MARCHF10: variants seen among roughly 807,000 people sequenced by gnomAD.
The protein encoded by MARCHF10 is membrane associated ring-CH-type finger 10.
A neutral mutation model predicts 76.2 loss-of-function variants in MARCHF10; 64 were observed. The ratio of observed to expected loss-of-function variants is 0.84; its 90% CI spans 0.69 to 1.03. The LOEUF is 1.03. Ranked by LOEUF, MARCHF10 falls within the 50% of genes least tolerant of loss-of-function variation. The pLI, the probability that MARCHF10 is intolerant of heterozygous loss-of-function variation, is 0.00. For synonymous variants in MARCHF10, 340 were observed against 357.5 expected (o/e 0.95, Z 0.55); for missense variants, 875 against 958.0 (o/e 0.91, Z 1.14).
intron 4 of MARCHF10, 74 bp from the exon 5 acceptor site, chr17:62,744,602 G>A: frequency 6.5e-7 from 1 of 1,545,880 alleles, no homozygotes; most frequent in Non-Finnish European, 8.8e-7. Flanking sequence ...AACGTTCAAA[G>A]GGCCCAGCAA....
At chr17:62,742,317 GC>G (rs1247306021) in intron 5 of MARCHF10, among the ~76,000 whole-genome samples, 2 of 152,170 alleles carry the variant, frequency 1.3e-5, no homozygotes, top group African/African-American at 4.8e-5. Context: ...ACCATGCCCA[GC>G]CTCCTTCCTT....
chr17:62,746,913 T>C (rs989281172), intron 4 of MARCHF10: 6 of 1,536,168 alleles, frequency 3.9e-6, no homozygotes, highest in Non-Finnish European at 5.2e-6. Context: ...TTCCCCAGAC[T>C]GCACCAGCCA....
intron 3 of MARCHF10, among the ~76,000 whole-genome samples, chr17:62,771,204 A>T (rs568397514): frequency 5.7e-4 from 87 of 152,012 alleles, no homozygotes; most frequent in African/African-American, 2.0e-3. Flanking sequence ...GACTTTTTTT[A>T]AAAAAAGGAA....
At chr17:62,730,193 A>C (rs1407218544) in intron 6 of MARCHF10, among the ~76,000 whole-genome samples, 2 of 152,214 alleles carry the variant, frequency 1.3e-5, no homozygotes, top group African/African-American at 4.8e-5. Context: ...CTCAAAAAGA[A>C]AATGAAAAAA....
intron 10 of MARCHF10, among the ~76,000 whole-genome samples, chr17:62,702,576 G>T (rs1286415589): frequency 6.6e-6 from 1 of 152,168 alleles, no homozygotes; most frequent in African/African-American, 2.4e-5. Flanking sequence ...TGAGGCAGGA[G>T]AATCGCTTGA....
rs180905197 is a variant in MARCHF10, at chr17:62,714,964, C to T, written c.2215-3620G>A. On this transcript the variant is annotated intron_variant, in intron 8 of 10. Coordinates refer to ENST00000311269, the MANE Select transcript of MARCHF10 (RefSeq NM_152598.4). ...TTTCACCACATTTGGCCAGGCTGGT[C>T]TCCAACTCCTGACCTCAAATGATCC... Among the ~76,000 whole-genome samples, 770 of 152,258 alleles carry T rather than the reference C, an allele frequency of 5.1e-3. 4 individuals are homozygous for T. The highest frequency in any genetic ancestry group is 5.5e-3 in the Non-Finnish European group (371 of 68,028).
At chr17:62,799,963 C>T (rs1465934809) in intron 2 of MARCHF10, among the ~76,000 whole-genome samples, 1 of 152,156 alleles carries the variant, frequency 6.6e-6, no homozygotes, top group Non-Finnish European at 1.5e-5. Context: ...CCTCAACAGT[C>T]AAGTGTCACT....
At position 62,747,011 on chromosome 17, in the gene MARCHF10, A is replaced by T. The variant is rs555649563; in HGVS notation, c.383-2483T>A. On this transcript the variant is annotated intron_variant, in intron 4 of 10. Coordinates refer to ENST00000311269, the MANE Select transcript of MARCHF10 (RefSeq NM_152598.4). ...AAAAACCCTTACTTTCAGCGTTTTTAAAAAATGGCCTTTAGTGTTTAAATA... is the reference window on the plus strand; with the variant it reads ...AAAAACCCTTACTTTCAGCGTTTTTTAAAAATGGCCTTTAGTGTTTAAATA... 3.8e-5 allele frequency: 56 copies of T among 1,476,820 alleles called. No homozygotes were observed. The African/African-American group carries it at 6.1e-4, about 16-fold the overall frequency. The allele number at this position is 1,476,820 out of a possible 1,614,324, so 91.5% of individuals were successfully genotyped here. A position where few individuals can be genotyped will look rare whatever the true frequency, so the allele number is the denominator to read the frequency against.
intron 4 of MARCHF10, among the ~76,000 whole-genome samples, chr17:62,753,016 C>A (rs1414825463): frequency 1.3e-5 from 2 of 152,302 alleles, no homozygotes; most frequent in Admixed American, 6.5e-5. Flanking sequence ...CCCTTGGAGG[C>A]CTGATCCTTG....
At chr17:62,704,819 A>G in intron 10 of MARCHF10, 1 of 568,906 alleles carries the variant, frequency 1.8e-6, no homozygotes, top group African/African-American at 2.0e-5. Context: ...CCCCCAGAAG[A>G]ATCTCTGGGG....
At chr17:62,797,162 A>G (rs1269664157) in intron 2 of MARCHF10, among the ~76,000 whole-genome samples, 1 of 152,220 alleles carries the variant, frequency 6.6e-6, no homozygotes, top group Non-Finnish European at 1.5e-5. Flanking sequence ...AAATTTACTA[A>G]AAGTCTTTAA....
chr17:62,793,466 CCACCACCAT>C (rs1427671841), intron 2 of MARCHF10, among the ~76,000 whole-genome samples: 15 of 131,050 alleles, frequency 1.1e-4, no homozygotes, highest in Admixed American at 2.2e-4. Context: ...ACCACCATCA[CCACCACCAT>C]CACCACCACC....
intron 7 of MARCHF10, among the ~76,000 whole-genome samples, chr17:62,723,643 AAC>A (rs2090610749): frequency 6.8e-6 from 1 of 147,266 alleles, no homozygotes; most frequent in Non-Finnish European, 1.5e-5. Context: ...AATCCTACTG[AAC>A]ACACCCATAC....
At chr17:62,714,367 G>A in intron 8 of MARCHF10, 1 of 983,588 alleles carries the variant, frequency 1.0e-6, no homozygotes, top group Non-Finnish European at 1.2e-6. Flanking sequence ...CCTCTGTTCT[G>A]CCTGTTTCCT....
intron 3 of MARCHF10, among the ~76,000 whole-genome samples, chr17:62,768,974 G>T (rs2092391532): frequency 6.6e-6 from 1 of 152,160 alleles, no homozygotes. Context: ...ACAATTCTCT[G>T]GTCTTTTGGC....
chr17:62,748,372 C>T (rs1446484790), intron 4 of MARCHF10, among the ~76,000 whole-genome samples: 1 of 150,982 alleles, frequency 6.6e-6, no homozygotes, highest in Non-Finnish European at 1.5e-5. Context: ...ACTCCAGCCT[C>T]CAGGCCGGGC....
intron 7 of MARCHF10, among the ~76,000 whole-genome samples, chr17:62,724,499 T>C (rs1009374446): frequency 1.3e-5 from 2 of 152,102 alleles, no homozygotes; most frequent in Non-Finnish European, 2.9e-5. Context: ...GTAGGATGTG[T>C]GTGCTGGGGG....
rs1568219257 is a variant in MARCHF10, at chr17:62,793,158, C to CACCACCACCACCTCCATCACT, written c.91-4580_91-4560dup. 1.1e-3 allele frequency among the ~76,000 whole-genome samples: 150 copies of CACCACCACCACCTCCATCACT among 141,050 alleles called. 1 individual carries two copies. The highest frequency in any genetic ancestry group is 3.8e-3 in the African/African-American group (139 of 36,738). 92.5% of individuals were successfully genotyped at this position (141,050 alleles called of 152,430 possible). On this transcript the variant is annotated intron_variant, in intron 2 of 10. Coordinates refer to ENST00000311269, the MANE Select transcript of MARCHF10 (RefSeq NM_152598.4). ...CCATCACCACCATCACCACCACCAT[C>CACCACCACCACCTCCATCACT]ACCACCACCACCTCCATCACTACCA...
rs765757012 is a variant in MARCHF10, at chr17:62,736,875, AT to A, written c.992del (p.Asn331IlefsTer24). The A allele has an allele frequency of 6.2e-7, 1 of 1,613,866 alleles. No homozygotes were observed. Among genetic ancestry groups the A allele is most frequent in the South Asian group, 1.1e-5 (1 of 91,068 alleles). On this transcript the variant is annotated frameshift_variant, in exon 6 of 11. Transcript: ENST00000311269. LOFTEE classifies it high-confidence loss of function. ...TGCAATTTTCAGCATTTTCTTCAAA[AT>A]TTTTATTTTTGGCCTGAGGGGTCGA... Reference protein sequence around the residue: ...GTSTPQAKNKNFEENAENCRG... With the variant: ...GTSTPQAKNKXFEENAENCRG...
Sources: gnomAD v4.1 joint callset for allele counts (sites outside exome capture counted in the v4.1 genomes callset) on GRCh38, gnomAD v4.1.1 for gene constraint, MANE v1.5 for transcripts, NCBI Gene and HGNC (gene_info 2026-07-23, HGNC 2026-07-21) for gene names.